FLRT1: variants seen among roughly 807,000 people sequenced by gnomAD.
FLRT1 encodes fibronectin leucine rich transmembrane protein 1.
A neutral mutation model predicts 30.9 loss-of-function variants in FLRT1; 14 were observed. The ratio of observed to expected loss-of-function variants is 0.45; its 90% CI spans 0.30 to 0.71. The LOEUF is 0.71. FLRT1 is among the 30% of genes least tolerant of loss of function. The pLI, the probability that FLRT1 is intolerant of heterozygous loss-of-function variation, is 0.08. For synonymous variants in FLRT1, 368 were observed against 430.4 expected, an observed-to-expected ratio of 0.85 and a Z score of 1.80; for missense variants, 737 against 949.2, an observed-to-expected ratio of 0.78 and a Z score of 2.94.
rs2134541395 is a variant in FLRT1, at chr11:64,096,268, AAAG to A, written c.-1037-6921_-1037-6919del. On this transcript the variant is annotated intron_variant, in intron 1 of 2. Transcript: ENST00000682287. This position sits in a 1 kb window ranked among gnomAD's most constrained non-coding sequence, Gnocchi z 4.6. The stretch of plus-strand genomic sequence containing the variant: ...CCGACAAAAGCAGGCCAATTTCCTG[AAAG>A]AAGAGGTTCCGGCCTTGGCTGGTGG... Among the ~76,000 whole-genome samples the A allele has an allele frequency of 6.6e-6, 1 of 152,312 alleles. No individual in the cohort carries two copies. Among genetic ancestry groups the A allele is most frequent in the South Asian group, 2.1e-4 (1 of 4,826 alleles).
In FLRT1 at chr11:64,117,499, C is replaced by G; in HGVS notation, c.1232C>G (p.Thr411Ser). 6.2e-7 allele frequency: 1 copy of G among 1,610,396 alleles called. No homozygotes were observed. The highest frequency in any genetic ancestry group is 8.5e-7 in the Non-Finnish European group (1 of 1,177,512). ...SATTPQGSLF[T>S]LKAKRPGLRL... ...ACCACGCCCCAGGGTTCCCTGTTTACCCTCAAGGCCAAAAGGCCAGGGCTG... is the reference window on the plus strand; with the variant it reads ...ACCACGCCCCAGGGTTCCCTGTTTAGCCTCAAGGCCAAAAGGCCAGGGCTG... Residue 411 changes from threonine (T) to serine (S), a missense_variant, in exon 3 of 3, where the codon ACC becomes AGC. Physicochemically the swap from Thr to Ser is moderately conservative, Grantham distance 58. Transcript: ENST00000682287.
chr11:64,054,601 C>T (rs76873326), intron 1 of FLRT1, among the ~76,000 whole-genome samples: 4 of 152,140 alleles, frequency 2.6e-5, no homozygotes, highest in Non-Finnish European at 4.4e-5. Context: ...GGGCAAGCCA[C>T]GGTTCCTGGG....
intron 2 of FLRT1, among the ~76,000 whole-genome samples, chr11:64,107,375 C>T (rs1210250799): frequency 6.9e-6 from 1 of 144,782 alleles, no homozygotes; most frequent in Non-Finnish European, 1.5e-5. Context: ...GGTTTAATAT[C>T]GAACACTGTT....
Position 64,117,382 on chromosome 11 carries a change from C to A in FLRT1, c.1115C>A (p.Thr372Asn). The A allele has an allele frequency of 6.2e-7, 1 of 1,612,446 alleles. No individual in the cohort carries two copies. The change falls in exon 3 of 3, where the codon ACC becomes AAC. Residue 372 changes from threonine (T) to asparagine (N), a missense_variant. Physicochemically the swap from Thr to Asn is moderately conservative, Grantham distance 65. Transcript: ENST00000682287. ...CGGGGCATGGCCATCAAGGACATTA[C>A]CAGCGAGATGGACGAGTGTTTTGAG... The part of the protein sequence containing the change: ...KVRGMAIKDI[T>N]SEMDECFETG...
intron 1 of FLRT1, among the ~76,000 whole-genome samples, chr11:64,092,845 T>C (rs1944513188): frequency 6.6e-6 from 1 of 152,248 alleles, no homozygotes; most frequent in Non-Finnish European, 1.5e-5. Context: ...GGTTAACACG[T>C]GTCACCAAAG....
At chr11:64,041,276 C>T (rs1462244256) in intron 1 of FLRT1, among the ~76,000 whole-genome samples, 2 of 148,430 alleles carry the variant, frequency 1.3e-5, no homozygotes, top group African/African-American at 5.1e-5. Context: ...GAATGCCTTC[C>T]GTGAGGAGCC....
chr11:64,109,739 C>A (rs560258604), intron 2 of FLRT1, among the ~76,000 whole-genome samples: 6 of 152,250 alleles, frequency 3.9e-5, no homozygotes, highest in African/African-American at 1.4e-4. Flanking sequence ...CAGCTCTGTG[C>A]GGCCCAGACA....
In FLRT1 at chr11:64,102,282, G is replaced by A. The variant is rs529359791; in HGVS notation, c.-1037-912G>A. Among the ~76,000 whole-genome samples the A allele has an allele frequency of 3.3e-5, 5 of 152,310 alleles. No homozygotes were observed. The South Asian group carries it at 8.3e-4, about 25-fold the overall frequency. On this transcript the variant is annotated intron_variant, in intron 1 of 2. Transcript: ENST00000682287. The stretch of plus-strand genomic sequence containing the variant: ...ATGAGAGGTGCTGGGGAGGGCTCGG[G>A]GTTTTGTTTTGGATTCCAGAACAGC...
Position 64,118,897 on chromosome 11 carries a change from C to T in FLRT1, c.*605C>T, listed in dbSNP as rs1945046671. ...ATTTGCAGAAACATGGCATCTTTCACTGCATTCTTTGAACAATCATGTAGT... is the reference window on the plus strand; with the variant it reads ...ATTTGCAGAAACATGGCATCTTTCATTGCATTCTTTGAACAATCATGTAGT... On this transcript the variant is annotated 3_prime_UTR_variant, in exon 3 of 3. Transcript: ENST00000682287. 1 of 167,044 alleles carries T rather than the reference C, an allele frequency of 6.0e-6. No individual in the cohort carries two copies. Among genetic ancestry groups the T allele is most frequent in the African/African-American group, 2.4e-5 (1 of 41,392 alleles). 10.3% of individuals were successfully genotyped at this position (167,044 alleles called of 1,614,324 possible).
intron 1 of FLRT1, among the ~76,000 whole-genome samples, chr11:64,047,624 C>A (rs1038012750): frequency 2.0e-5 from 3 of 152,088 alleles, no homozygotes; most frequent in African/African-American, 7.2e-5. Context: ...AGGCCGGGCG[C>A]GGTGGCTTAT....
intron 1 of FLRT1, among the ~76,000 whole-genome samples, chr11:64,093,326 G>A (rs557353504): frequency 1.3e-5 from 2 of 152,302 alleles, no homozygotes; most frequent in East Asian, 1.9e-4. Flanking sequence ...TCACTGCTGC[G>A]GACACAGTCC....
chr11:64,060,419 G>C (rs868435395), intron 1 of FLRT1: 1 of 152,256 alleles, frequency 6.6e-6, no homozygotes, highest in African/African-American at 2.4e-5. Flanking sequence ...GATCCCTAGA[G>C]TCCCAGGCAG....
At chr11:64,046,849 C>T (rs7107297) in intron 1 of FLRT1, among the ~76,000 whole-genome samples, 3,292 of 152,244 alleles carry the variant, frequency 0.022, 113 homozygotes, top group African/African-American at 0.073. Context: ...GTGAAGTCTT[C>T]CCCATCCCTG....
In FLRT1 at chr11:64,036,676, G is replaced by T. The variant is rs1943386766; in HGVS notation, c.-1038+517G>T. Among the ~76,000 whole-genome samples, 1 of 152,142 alleles carries T rather than the reference G, an allele frequency of 6.6e-6. No homozygotes were observed. The highest frequency in any genetic ancestry group is 2.4e-5 in the African/African-American group (1 of 41,440). On this transcript the variant is annotated intron_variant, in intron 1 of 2. Transcript: ENST00000682287. The surrounding 1 kb of genome is among the most constrained non-coding windows in gnomAD (Gnocchi z 5.6). ...GTTTTATTTTTAAAACGACTTCAAG[G>T]GGGGCATGAGCAGCCTCCAACTTCC... is the stretch of plus-strand genomic sequence containing the variant.
chr11:64,048,165 G>A (rs1590836712), intron 1 of FLRT1, among the ~76,000 whole-genome samples: 2 of 152,338 alleles, frequency 1.3e-5, no homozygotes, highest in East Asian at 1.9e-4. Flanking sequence ...CTGCCTCTCT[G>A]GCCCACTGGC....
chr11:64,057,828 C>A (rs1423757754), intron 1 of FLRT1, among the ~76,000 whole-genome samples: 1 of 152,250 alleles, frequency 6.6e-6, no homozygotes, highest in Non-Finnish European at 1.5e-5. Context: ...CAGCAGGCAG[C>A]AGCACCCCTT....
chr11:64,058,095 G>C (rs1361177695), intron 1 of FLRT1, among the ~76,000 whole-genome samples: 3 of 152,268 alleles, frequency 2.0e-5, no homozygotes, highest in African/African-American at 7.2e-5. Context: ...ACCCATTACA[G>C]GCCTATTTTC....
intron 1 of FLRT1, among the ~76,000 whole-genome samples, chr11:64,040,116 G>T (rs544420199): frequency 5.9e-5 from 9 of 152,362 alleles, no homozygotes; most frequent in African/African-American, 2.2e-4. Flanking sequence ...CAAAAGTGGG[G>T]AACAAAAGCA....
At chr11:64,047,386 A>T (rs779850065) in intron 1 of FLRT1, among the ~76,000 whole-genome samples, 1 of 152,204 alleles carries the variant, frequency 6.6e-6, no homozygotes, top group Non-Finnish European at 1.5e-5. Flanking sequence ...AAGGTCACCC[A>T]GCAATCGGAG....
Sources: gnomAD v4.1 joint callset for allele counts (sites outside exome capture counted in the v4.1 genomes callset) on GRCh38, gnomAD v4.1.1 for gene constraint, Gnocchi (gnomAD v3.1) non-coding constraint, MANE v1.5 for transcripts, NCBI Gene and HGNC (gene_info 2026-07-23, HGNC 2026-07-21) for gene names.